The following BRWD1 variants were observed in gnomAD, a reference collection of about 807,000 sequenced individuals.
The protein encoded by BRWD1 is bromodomain and WD repeat domain containing 1.
BRWD1 carries 82 observed loss-of-function variants against 251.2 expected under a neutral mutation model. The observed-to-expected ratio is 0.33, with a 90% CI of 0.27 to 0.39. The LOEUF is 0.39. BRWD1 is among the 10% of genes least tolerant of loss of function. The probability of loss-of-function intolerance (pLI) is 1.00; values close to 1 mark genes in which losing one functional copy is unlikely to be tolerated. For missense variants in BRWD1, 2,233 were observed against 2,711.6 expected (o/e 0.82, Z 3.92); for synonymous variants, 918 against 902.8 (o/e 1.02, Z -0.30).
upstream of BRWD1, chr21:39,313,702 GC>G: frequency 2.7e-6 from 1 of 365,832 alleles, no homozygotes; most frequent in African/African-American, 2.2e-5. Flanking sequence ...TCCGCGGGGG[GC>G]GGGGGTTTGC....
At position 39,192,244 on chromosome 21, in the gene BRWD1, T is replaced by C; in HGVS notation, c.*4015A>G. On this transcript the variant is annotated 3_prime_UTR_variant, in exon 41 of 41. Coordinates refer to ENST00000342449, the MANE Select transcript of BRWD1 (RefSeq NM_033656.4). ...ATCGTAAGAAAAGACAACACAGCCCTTAGCATTACATACTTTACTTTTCAA... is the reference window on the plus strand; with the variant it reads ...ATCGTAAGAAAAGACAACACAGCCCCTAGCATTACATACTTTACTTTTCAA... 2.1e-6 allele frequency: 2 copies of C among 956,634 alleles called. No individual in the cohort carries two copies. The highest frequency in any genetic ancestry group is 5.0e-5 in the South Asian group (1 of 20,094). The allele number at this position is 956,634 out of a possible 1,614,324, so 59.3% of individuals were successfully genotyped here. A position where few individuals can be genotyped will look rare whatever the true frequency, so the allele number is the denominator to read the frequency against.
chr21:39,296,751 A>C, intron 5 of BRWD1: 1 of 922,390 alleles, frequency 1.1e-6, no homozygotes, highest in Non-Finnish European at 1.3e-6. Flanking sequence ...GATGGACCAT[A>C]AAACCAGATC....
chr21:39,313,140 C>A (rs2036569098), intron 2 of BRWD1, 39 bp from the exon 3 acceptor site: 2 of 1,495,410 alleles, frequency 1.3e-6, no homozygotes, highest in African/African-American at 1.5e-5. Flanking sequence ...TGGGGTCGGG[C>A]CCGGGGCGCT....
chr21:39,237,133 C>G (rs772215728), intron 22 of BRWD1, among the ~76,000 whole-genome samples: 4 of 152,064 alleles, frequency 2.6e-5, no homozygotes, highest in Non-Finnish European at 5.9e-5. Flanking sequence ...AAGAATCATA[C>G]AAAACCCCAA....
chr21:39,320,667 C>CTT (rs35218849), intron 1 of BRWD1, among the ~76,000 whole-genome samples: 40 of 99,156 alleles, frequency 4.0e-4, no homozygotes, highest in Non-Finnish European at 4.8e-4. Flanking sequence ...AGAGTCATAT[C>CTT]TTTTTTTTTT....
chr21:39,280,863 A>T (rs1271345330), intron 8 of BRWD1, among the ~76,000 whole-genome samples: 1 of 152,242 alleles, frequency 6.6e-6, no homozygotes, highest in African/African-American at 2.4e-5. Flanking sequence ...TAAAATAAGG[A>T]AACACAGGAA....
chr21:39,226,177 T>A (rs1056953913), intron 27 of BRWD1, among the ~76,000 whole-genome samples: 1 of 152,108 alleles, frequency 6.6e-6, no homozygotes, highest in Non-Finnish European at 1.5e-5. Context: ...CCTGAAAAAA[T>A]TAAGTTTTCT....
At position 39,198,843 on chromosome 21, in the gene BRWD1, T is replaced by A. The variant is rs147211854; in HGVS notation, c.5573A>T (p.Gln1858Leu). Reference protein sequence around the residue: ...NLNCDPIAMSQCSSDHGCETD... With the variant: ...NLNCDPIAMSLCSSDHGCETD... ...TTCACATCCATGATCTGAGGAACAC[T>A]GGGACATAGCAATAGGGTCACAGTT... Residue 1858 changes from glutamine to leucine, a missense_variant, in exon 40 of 41, where the codon CAG becomes CTG. Physicochemically the swap from Gln to Leu is moderately radical, Grantham distance 113. This residue lies in a region of BRWD1 where 928 missense variants were observed against 970.0 expected (regional missense o/e 0.96). Coordinates refer to ENST00000342449, the MANE Select transcript of BRWD1 (RefSeq NM_033656.4). 558 of 1,614,092 alleles carry A rather than the reference T, an allele frequency of 3.5e-4. 2 individuals are homozygous for A. In the East Asian group the frequency reaches 0.01, roughly 29 times the overall value.
chr21:39,199,055 G>A lies in BRWD1; in HGVS notation c.5361C>T (p.Ile1787=). ...CTGGTTCAGAATCTGCTTCCTCTGA[G>A]ATGCTCTCTGCCTTAAGTTTCTGCA... is the stretch of plus-strand genomic sequence containing the variant. The part of the protein sequence containing the change: ...TSVQKLKAES[I]SEEADSEPGR... The change falls in exon 40 of 41, where the codon ATC becomes ATT. Residue 1787 remains isoleucine (I), a synonymous_variant. Transcript: ENST00000342449. 6 of 1,614,090 alleles carry A rather than the reference G, an allele frequency of 3.7e-6. No homozygotes were observed. Among genetic ancestry groups the A allele is most frequent in the Non-Finnish European group, 5.1e-6 (6 of 1,180,022 alleles).
At chr21:39,284,131 C>G (rs537431232) in intron 8 of BRWD1, among the ~76,000 whole-genome samples, 1 of 152,272 alleles carries the variant, frequency 6.6e-6, no homozygotes, top group African/African-American at 2.4e-5. Flanking sequence ...CTCTCTTTTG[C>G]TATGAAAGAA....
intron 23 of BRWD1, 64 bp downstream of exon 23, chr21:39,236,531 T>C: frequency 7.4e-7 from 1 of 1,350,580 alleles, no homozygotes; most frequent in Non-Finnish European, 1.0e-6. Flanking sequence ...TAAAACAACA[T>C]TTGAAATGGG....
At chr21:39,293,266 G>A (rs11911087) in intron 8 of BRWD1, among the ~76,000 whole-genome samples, 71,337 of 151,950 alleles carry the variant, frequency 0.47, 16,917 homozygotes, top group Admixed American at 0.53. Flanking sequence ...AGGCTGAGCC[G>A]GGCAGGTTAC....
chr21:39,313,343 G>T lies in BRWD1; in HGVS notation c.50-44C>A, dbSNP rs532196181. The T allele has an allele frequency of 9.9e-6, 15 of 1,507,868 alleles. 1 individual carries two copies. Among genetic ancestry groups the T allele is most frequent in the Middle Eastern group, 2.2e-4 (1 of 4,502 alleles). 93.4% of individuals were successfully genotyped at this position (1,507,868 alleles called of 1,614,324 possible). On this transcript the variant is annotated intron_variant, in intron 1 of 40. Transcript: ENST00000342449. ...TCAGGTCAAGCCCCGGCGGGGAGGG[G>T]AGGGGGACGGGGCCAGGGGAGCCGG...
At chr21:39,317,281 G>A (rs913897187), upstream of BRWD1, 5 of 152,212 alleles carry the variant, frequency 3.3e-5, no homozygotes, top group Non-Finnish European at 7.3e-5. Context: ...GTTTGCTTTT[G>A]GGTAAATGGA....
intron 12 of BRWD1, among the ~76,000 whole-genome samples, chr21:39,275,601 G>T (rs1233274849): frequency 6.6e-6 from 1 of 152,076 alleles, no homozygotes; most frequent in Non-Finnish European, 1.5e-5. Context: ...CAGATGTTCT[G>T]ACTACAGAAA....
At chr21:39,279,653 A>AAG (rs1555873965) in intron 9 of BRWD1, among the ~76,000 whole-genome samples, 32 of 81,736 alleles carry the variant, frequency 3.9e-4, no homozygotes, top group East Asian at 1.7e-3. Flanking sequence ...AAAAAAAAAA[A>AAG]AAAGAAAAAA....
At chr21:39,254,050 T>C (rs1301065014) in intron 19 of BRWD1, among the ~76,000 whole-genome samples, 2 of 152,292 alleles carry the variant, frequency 1.3e-5, no homozygotes, top group East Asian at 3.9e-4. Context: ...GCAGATCACC[T>C]GAGGTCGGGA....
upstream of BRWD1, among the ~76,000 whole-genome samples, chr21:39,317,700 G>A (rs1276844451): frequency 1.3e-5 from 2 of 152,234 alleles, no homozygotes; most frequent in African/African-American, 2.4e-5. Context: ...TGATAAGTAC[G>A]TGTGTAATCT....
intron 8 of BRWD1, among the ~76,000 whole-genome samples, chr21:39,289,767 G>A (rs2035750244): frequency 6.6e-6 from 1 of 151,982 alleles, no homozygotes; most frequent in African/African-American, 2.4e-5. Flanking sequence ...GCTCACGCCT[G>A]TAATCCCAGC....
Sources: gnomAD v4.1 joint callset for allele counts (sites outside exome capture counted in the v4.1 genomes callset) on GRCh38, gnomAD v4.1.1 for gene constraint, gnomAD v4.1.1 regional missense constraint, MANE v1.5 for transcripts, NCBI Gene and HGNC (gene_info 2026-07-23, HGNC 2026-07-21) for gene names.